ANK3: variants seen among roughly 807,000 people sequenced by gnomAD.
The protein encoded by ANK3 is ankyrin 3, also known as ankyrin-3.
In ANK3, 57 loss-of-function variants were observed where a neutral mutation model predicts 370.9. The observed-to-expected ratio is 0.15, with a 90% CI of 0.12 to 0.19. The LOEUF is 0.19. Among genes scored for constraint, ANK3 ranks in the 10% least tolerant of loss-of-function variants. The probability of loss-of-function intolerance (pLI) is 1.00; values close to 1 mark genes in which losing one functional copy is unlikely to be tolerated. For synonymous variants in ANK3, 1,929 were observed against 1,946.3 expected (o/e 0.99, Z 0.23); for missense variants, 4,439 against 5,302.1 (o/e 0.84, Z 5.06).
At chr10:60,537,033 T>C (rs560204998) in intron 2 of ANK3, among the ~76,000 whole-genome samples, 6 of 152,132 alleles carry the variant, frequency 3.9e-5, no homozygotes, top group South Asian at 2.1e-4. Flanking sequence ...CAGAAATTGC[T>C]ACTGTTGACA....
intron 41 of ANK3, among the ~76,000 whole-genome samples, chr10:60,058,260 A>G (rs1299736156): frequency 6.6e-6 from 1 of 152,204 alleles, no homozygotes; most frequent in Non-Finnish European, 1.5e-5. Context: ...CACAAACTAC[A>G]TTCCTAATGG....
chr10:60,376,482 C>G (rs1199626090), intron 1 of ANK3, among the ~76,000 whole-genome samples: 1 of 152,170 alleles, frequency 6.6e-6, no homozygotes, highest in Non-Finnish European at 1.5e-5. Flanking sequence ...TACAGAAAAT[C>G]CACTGAAACA....
intron 1 of ANK3, among the ~76,000 whole-genome samples, chr10:60,282,227 T>C (rs1264672458): frequency 1.3e-5 from 2 of 152,090 alleles, no homozygotes; most frequent in Non-Finnish European, 1.5e-5. Context: ...AACTCCAACA[T>C]GGAGTACATA....
At chr10:60,144,061 C>T (rs1015437142) in intron 23 of ANK3, 4 of 269,758 alleles carry the variant, frequency 1.5e-5, no homozygotes, top group African/African-American at 9.4e-5. Context: ...ATGAAGACAC[C>T]ATCTTGGACA....
intron 2 of ANK3, among the ~76,000 whole-genome samples, chr10:60,465,583 TAAGA>T (rs1041091999): frequency 6.6e-6 from 1 of 152,034 alleles, no homozygotes; most frequent in African/African-American, 2.4e-5. Flanking sequence ...GTGAAATGAG[TAAGA>T]AAGTGTGACT....
At chr10:60,509,483 A>G (rs917520496) in intron 2 of ANK3, among the ~76,000 whole-genome samples, 1 of 152,184 alleles carries the variant, frequency 6.6e-6, no homozygotes, top group African/African-American at 2.4e-5. Flanking sequence ...AGCTAGAATA[A>G]AGATATGTGT....
At chr10:60,111,794 G>C in intron 26 of ANK3, 1 of 455,494 alleles carries the variant, frequency 2.2e-6, no homozygotes, top group South Asian at 1.6e-5. Flanking sequence ...AAGCAAATGG[G>C]AAGAATTAAT....
chr10:60,606,516 T>G (rs1267260649), intron 2 of ANK3, among the ~76,000 whole-genome samples: 1 of 152,124 alleles, frequency 6.6e-6, no homozygotes, highest in Non-Finnish European at 1.5e-5. Context: ...GAAAGAAGAG[T>G]TAACAAGTTT....
At chr10:60,080,169 T>C (rs1010532718) in intron 36 of ANK3, among the ~76,000 whole-genome samples, 1 of 152,074 alleles carries the variant, frequency 6.6e-6, no homozygotes, top group Non-Finnish European at 1.5e-5. Context: ...ACTTTATCAT[T>C]TTTCTACCAT....
At chr10:60,528,511 G>C (rs1595212915) in intron 2 of ANK3, among the ~76,000 whole-genome samples, 1 of 152,048 alleles carries the variant, frequency 6.6e-6, no homozygotes, top group Non-Finnish European at 1.5e-5. Context: ...ACATTAGGTT[G>C]AACTGTATGA....
At chr10:60,694,209 A>C (rs1177801534) in intron 1 of ANK3, among the ~76,000 whole-genome samples, 1 of 152,202 alleles carries the variant, frequency 6.6e-6, no homozygotes, top group Non-Finnish European at 1.5e-5. Flanking sequence ...AAAAACAATA[A>C]AAAGAAACGA....
At chr10:60,490,383 C>CA (rs1373766459) in intron 2 of ANK3, among the ~76,000 whole-genome samples, 2 of 152,138 alleles carry the variant, frequency 1.3e-5, no homozygotes, top group Non-Finnish European at 2.9e-5. Flanking sequence ...GTTTGACGAC[C>CA]ACTGCTCCGC....
chr10:60,247,656 T>G (rs2097577906), intron 7 of ANK3, among the ~76,000 whole-genome samples: 1 of 152,148 alleles, frequency 6.6e-6, no homozygotes, highest in South Asian at 2.1e-4. Context: ...ACTCAGCATT[T>G]TATTATTTTT....
chr10:60,029,885 T>C (rs1224954994), intron 43 of ANK3, 59 bp from the exon 44 acceptor site: 12 of 131,428 alleles, frequency 9.1e-5, no homozygotes, highest in African/African-American at 3.5e-4. Flanking sequence ...CTTTTTTTTT[T>C]TTTTTTTTTT....
intron 1 of ANK3, among the ~76,000 whole-genome samples, chr10:60,680,139 A>G (rs901779532): frequency 1.3e-5 from 2 of 148,620 alleles, no homozygotes; most frequent in African/African-American, 4.9e-5. Flanking sequence ...TGTCTCGGGA[A>G]AAAAAAAAAA....
In ANK3 at chr10:60,099,301, A is replaced by G. The variant is rs115259675; in HGVS notation, c.3328+6604T>C. Among the ~76,000 whole-genome samples, 641 of 152,332 alleles carry G rather than the reference A, an allele frequency of 4.2e-3. 8 individuals are homozygous for G. Among genetic ancestry groups the G allele is most frequent in the African/African-American group, 0.015 (607 of 41,574 alleles). On this transcript the variant is annotated intron_variant, in intron 28 of 43. Coordinates refer to ENST00000280772, the MANE Select transcript of ANK3 (RefSeq NM_020987.5). The stretch of plus-strand genomic sequence containing the variant: ...TCATTCATTTCTCCGTTCATGCAAC[A>G]GACTATGATGAACTGACAACTCTGT...
chr10:60,362,930 G>A (rs1442788297), intron 1 of ANK3, among the ~76,000 whole-genome samples: 1 of 152,140 alleles, frequency 6.6e-6, no homozygotes, highest in Non-Finnish European at 1.5e-5. Context: ...GTCCTGGAGA[G>A]TAGATAGGGT....
chr10:60,553,704 A>T (rs1375836616), intron 2 of ANK3, among the ~76,000 whole-genome samples: 1 of 152,222 alleles, frequency 6.6e-6, no homozygotes, highest in Non-Finnish European at 1.5e-5. Flanking sequence ...AACTGAAATC[A>T]GTATTTGAAC....
rs753530487 is a variant in ANK3, at chr10:60,074,045, G to A, written c.6836C>T (p.Ala2279Val). 1.2e-6 allele frequency: 2 copies of A among 1,614,060 alleles called. No homozygotes were observed. Among genetic ancestry groups the A allele is most frequent in the Non-Finnish European group, 1.7e-6 (2 of 1,179,990 alleles). The change falls in exon 37 of 44, where the codon GCC (alanine) becomes GTC (valine). Residue 2279 changes from alanine to valine, a missense_variant. By Grantham distance (64) the Ala-to-Val change is moderately conservative. Transcript: ENST00000280772. ...ETMSVHDIMKAFQSGRDPSKE... is the reference protein window; with the variant it reads ...ETMSVHDIMKVFQSGRDPSKE... ...GGAAGGATCCCGCCCGGACTGAAAG[G>A]CCTTCATGATGTCATGGACTGACAT...
Sources: allele counts gnomAD v4.1 joint callset (sites outside exome capture counted in the v4.1 genomes callset), GRCh38; gene constraint gnomAD v4.1.1; transcripts MANE v1.5; gene names NCBI Gene and HGNC (gene_info 2026-07-23, HGNC 2026-07-21).